Variants in RP1 observed in about 807,000 individuals in gnomAD.
RP1 encodes RP1 axonemal microtubule associated.
RP1 carries 16 observed loss-of-function variants against 14.8 expected under a neutral mutation model. That is an observed-to-expected ratio of 1.08 (90% CI 0.73 to 1.65). The LOEUF (loss-of-function observed/expected upper bound fraction) is 1.65. Among genes scored for constraint, RP1 ranks in the 40% most tolerant of loss-of-function variants. The pLI is 0.00. For missense variants in RP1, 2,631 were observed against 2,535.0 expected (o/e 1.04, Z -0.81); for synonymous variants, 876 against 883.6 (o/e 0.99, Z 0.15).
At chr8:54,687,959 C>T (rs778071635) in intron 12 of RP1, among the ~76,000 whole-genome samples, 21 of 152,312 alleles carry the variant, frequency 1.4e-4, no homozygotes, top group South Asian at 1.0e-3. Flanking sequence ...TTCTCCACAT[C>T]CCCTCCAGCA....
intron 17 of RP1, among the ~76,000 whole-genome samples, chr8:54,727,411 C>T (rs539600141): frequency 6.6e-6 from 1 of 152,162 alleles, no homozygotes; most frequent in South Asian, 2.1e-4. Context: ...TCAGGGATGG[C>T]CACCTCAAGT....
chr8:54,827,540 G>A (rs1229091773), intron 24 of RP1, among the ~76,000 whole-genome samples: 1 of 151,680 alleles, frequency 6.6e-6, no homozygotes, highest in South Asian at 2.1e-4. Flanking sequence ...ATGTTGCCTA[G>A]GCTGGTCTTG....
intron 3 of RP1, among the ~76,000 whole-genome samples, chr8:54,644,390 C>T (rs554078273): frequency 6.6e-6 from 1 of 152,158 alleles, no homozygotes; most frequent in East Asian, 1.9e-4. Context: ...TCATTTGTCC[C>T]ATCTCTGTTT....
At chr8:54,825,195 G>A (rs1369100104) in intron 24 of RP1, among the ~76,000 whole-genome samples, 1 of 152,084 alleles carries the variant, frequency 6.6e-6, no homozygotes, top group African/African-American at 2.4e-5. Context: ...TCCCGACCTC[G>A]TGATCCATCC....
intron 4 of RP1, among the ~76,000 whole-genome samples, chr8:54,650,266 G>A (rs188391236): frequency 1.1e-4 from 16 of 152,224 alleles, no homozygotes; most frequent in Non-Finnish European, 2.1e-4. Context: ...TTGTTGTAGA[G>A]GTGATGGCTT....
chr8:54,859,375 T>TG lies in RP1; in HGVS notation c.4069+2269_4069+2270insG, dbSNP rs1812287115. ...CTGTGGAGTGTGTCACTGTGGAGCATTGTCACTATGGAGTGGTATCACTGT... is the reference window on the plus strand; with the variant it reads ...CTGTGGAGTGTGTCACTGTGGAGCATGTGTCACTATGGAGTGGTATCACTGT... On this transcript the variant is annotated intron_variant, in intron 27 of 28. Transcript: ENST00000637698. Among the ~76,000 whole-genome samples, 35 of 144,064 alleles carry TG rather than the reference T, an allele frequency of 2.4e-4. 1 individual carries two copies. 94.5% of individuals were successfully genotyped at this position (144,064 alleles called of 152,430 possible). A position where few individuals can be genotyped will look rare whatever the true frequency, so the allele number is the denominator to read the frequency against.
chr8:54,621,331 G>T lies in RP1; in HGVS notation c.365G>T (p.Arg122Leu). The T allele has an allele frequency of 1.9e-6, 3 of 1,611,842 alleles. No individual in the cohort carries two copies. The highest frequency in any genetic ancestry group is 2.5e-6 in the Non-Finnish European group (3 of 1,178,952). Reference protein sequence around the residue: ...VQPVDLDKARRRPRPWLSSRA... With the variant: ...VQPVDLDKARLRPRPWLSSRA... ...CCTGTAGACCTGGACAAAGCCCGTC[G>T]GCGCCCGCGGCCCTGGCTCAGCAGC... is the stretch of plus-strand genomic sequence containing the variant. The change falls in exon 2 of 4, where the codon CGG becomes CTG. Residue 122 changes from arginine (R) to leucine (L), a missense_variant. By Grantham distance (102) the Arg-to-Leu change is moderately radical. Transcript: ENST00000220676.
intron 1 of RP1, among the ~76,000 whole-genome samples, chr8:54,619,979 T>C (rs538955687): frequency 2.0e-5 from 3 of 152,372 alleles, no homozygotes; most frequent in South Asian, 2.1e-4. Flanking sequence ...AAGGACTAAA[T>C]TGATGAACTG....
At chr8:54,816,143 A>C (rs1004263771) in intron 24 of RP1, among the ~76,000 whole-genome samples, 4 of 152,212 alleles carry the variant, frequency 2.6e-5, no homozygotes, top group Admixed American at 1.3e-4. Context: ...AATTATAAAC[A>C]ATCCCAATGA....
intron 1 of RP1, among the ~76,000 whole-genome samples, chr8:54,609,909 C>T (rs1026004232): frequency 1.3e-5 from 2 of 152,198 alleles, no homozygotes; most frequent in African/African-American, 2.4e-5. Flanking sequence ...ATTAAATCTT[C>T]CCTTTTGACT....
At chr8:54,688,745 A>G (rs540742866) in intron 12 of RP1, among the ~76,000 whole-genome samples, 11 of 152,158 alleles carry the variant, frequency 7.2e-5, no homozygotes, top group East Asian at 1.9e-4. Flanking sequence ...GTCAGGTAGC[A>G]TGATGCCTCC....
chr8:54,793,920 T>C (rs1330937276), intron 24 of RP1, among the ~76,000 whole-genome samples: 1 of 151,684 alleles, frequency 6.6e-6, no homozygotes, highest in Non-Finnish European at 1.5e-5. Flanking sequence ...TATAGAAAAT[T>C]CTAAAAATTC....
At chr8:54,655,997 CT>C in intron 5 of RP1, 1 of 868,516 alleles carries the variant, frequency 1.2e-6, no homozygotes. Flanking sequence ...ATTCTCTGAG[CT>C]AAGTGGCAGT....
chr8:54,681,496 G>A (rs949721428), intron 12 of RP1, among the ~76,000 whole-genome samples: 1 of 151,054 alleles, frequency 6.6e-6, no homozygotes, highest in Non-Finnish European at 1.5e-5. Context: ...GTGTGTGTGT[G>A]TGTGTGTGTG....
intron 1 of RP1, among the ~76,000 whole-genome samples, chr8:54,563,534 G>T (rs1295167693): frequency 6.6e-6 from 1 of 151,692 alleles, no homozygotes; most frequent in Admixed American, 6.6e-5. Flanking sequence ...TTGTGTGTGT[G>T]TGTGTGTGGT....
intron 24 of RP1, among the ~76,000 whole-genome samples, chr8:54,791,343 A>G (rs1810461141): frequency 6.6e-6 from 1 of 152,168 alleles, no homozygotes. Flanking sequence ...ATACTCAAGG[A>G]AGTTCATCAA....
At chr8:54,770,260 T>G (rs1358143467), downstream of RP1, 2 of 397,574 alleles carry the variant, frequency 5.0e-6, no homozygotes, top group Non-Finnish European at 8.9e-6. Context: ...TTATAGTACA[T>G]TCTTATTGAG....
In RP1 at chr8:54,806,400, C is replaced by T. The variant is rs181780658; in HGVS notation, c.3615+22690C>T. On this transcript the variant is annotated intron_variant, in intron 24 of 28. Coordinates refer to the RP1 transcript ENST00000637698. ...TCAGTGTGGAATCATGGACATTTAT[C>T]TTAGTTAGAGCTGATTTAAAACACC... is the stretch of plus-strand genomic sequence containing the variant. Among the ~76,000 whole-genome samples, 14 of 152,176 alleles carry T rather than the reference C, an allele frequency of 9.2e-5. No individual in the cohort carries two copies. In the East Asian group the frequency reaches 2.7e-3, roughly 29 times the overall value.
chr8:54,585,825 C>T (rs1332346298), intron 1 of RP1, among the ~76,000 whole-genome samples: 1 of 152,164 alleles, frequency 6.6e-6, no homozygotes, highest in East Asian at 1.9e-4. Context: ...ACGTAGTTCT[C>T]GTGCCGTGGT....
Sources: allele counts gnomAD v4.1 joint callset (sites outside exome capture counted in the v4.1 genomes callset), GRCh38; gene constraint gnomAD v4.1.1; transcripts MANE v1.5; gene names NCBI Gene and HGNC (gene_info 2026-07-23, HGNC 2026-07-21).